Variants in TUBA3C observed in about 807,000 individuals in gnomAD.
The protein encoded by TUBA3C is tubulin alpha-3C chain.
Under a neutral mutation model 33.4 loss-of-function variants are expected in TUBA3C, and 23 were observed. The ratio of observed to expected loss-of-function variants is 0.69; its 90% CI spans 0.50 to 0.98. The LOEUF (loss-of-function observed/expected upper bound fraction) is 0.98. TUBA3C is among the 50% of genes least tolerant of loss of function. The probability of loss-of-function intolerance (pLI) is 0.00; values close to 1 mark genes in which losing one functional copy is unlikely to be tolerated. For missense variants in TUBA3C, 402 were observed against 616.0 expected, an observed-to-expected ratio of 0.65 and a Z score of 3.68; for synonymous variants, 269 against 250.4, an observed-to-expected ratio of 1.07 and a Z score of -0.70.
chr13:19,175,592 C>T (rs1227699086), intron 4 of TUBA3C, among the ~76,000 whole-genome samples: 1 of 152,172 alleles, frequency 6.6e-6, no homozygotes, highest in African/African-American at 2.4e-5. Context: ...GTTAGCACAG[C>T]TGCTGGACTA....
At position 19,178,227 on chromosome 13, in the gene TUBA3C, T is replaced by G; in HGVS notation, c.375+19A>C. On this transcript the variant is annotated intron_variant, in intron 3 of 4. Transcript: ENST00000400113. Reference sequence around the variant, plus strand: ...CCTCCTGTGCAGGACAATGGTCACATGAAGCCTTCTCTTCTTACCAGTTTG... The same window carrying G: ...CCTCCTGTGCAGGACAATGGTCACAGGAAGCCTTCTCTTCTTACCAGTTTG... The G allele has an allele frequency of 6.2e-7, 1 of 1,613,932 alleles. No homozygotes were observed. The highest frequency in any genetic ancestry group is 8.5e-7 in the Non-Finnish European group (1 of 1,179,852).
At chr13:19,176,725 CAAAAA>C (rs55746544) in intron 4 of TUBA3C, among the ~76,000 whole-genome samples, 197 bp downstream of exon 4, 52 of 34,594 alleles carry the variant, frequency 1.5e-3, no homozygotes, top group African/African-American at 3.4e-3. Flanking sequence ...GACTCTGCCT[CAAAAA>C]AAAAAAAAAA....
intron 4 of TUBA3C, among the ~76,000 whole-genome samples, 154 bp from the exon 5 acceptor site, chr13:19,174,313 G>A (rs1254597229): frequency 6.6e-6 from 1 of 152,038 alleles, no homozygotes; most frequent in African/African-American, 2.4e-5. Context: ...TGCCAGGCAG[G>A]GTGACAGTTC....
Position 19,173,879 on chromosome 13 carries a change from T to A in TUBA3C, c.1337A>T (p.Glu446Val), listed in dbSNP as rs762287145. ...GVDSVEAEAE[E>V]GEEY is the part of the protein sequence containing the mutation. Reference sequence around the variant, plus strand: ...ACCCTCCCCTCAGTATTCTTCACCTTCTTCAGCCTCGGCTTCCACGGAATC... The same window carrying A: ...ACCCTCCCCTCAGTATTCTTCACCTACTTCAGCCTCGGCTTCCACGGAATC... Residue 446 changes from glutamate to valine, a missense_variant, in exon 5 of 5, where the codon GAA becomes GTA. Transcript: ENST00000400113. 6 of 1,613,584 alleles carry A rather than the reference T, an allele frequency of 3.7e-6. No homozygotes were observed. In the South Asian group the frequency reaches 6.6e-5, roughly 18 times the overall value.
At position 19,177,848 on chromosome 13, in the gene TUBA3C, T is replaced by G. The variant is rs1280033804; in HGVS notation, c.376-241A>C. On this transcript the variant is annotated intron_variant, in intron 3 of 4. Transcript: ENST00000400113. The surrounding 1 kb of genome is among the most constrained non-coding windows in gnomAD (Gnocchi z 5.0). ...GACTCAAGATACTGTTCTAAGTTGT[T>G]TTTTTTTTTTTTTTTTTAGATAGAA... is the stretch of plus-strand genomic sequence containing the variant. Among the ~76,000 whole-genome samples the G allele has an allele frequency of 5.3e-5, 2 of 38,066 alleles. No homozygotes were observed. Among genetic ancestry groups the G allele is most frequent in the East Asian group, 1.3e-3 (2 of 1,536 alleles). 25.0% of individuals were successfully genotyped at this position (38,066 alleles called of 152,430 possible).
rs376212431 is a variant in TUBA3C, at chr13:19,181,666, C to G, written c.3+79G>C. On this transcript the variant is annotated intron_variant, in intron 1 of 4. Transcript: ENST00000400113. ...CACCCTGGCCCGCAACAGCATCCCT[C>G]CATCCAGCCACCTCAGGAGGCCAAC... 1.1e-3 allele frequency: 1,808 copies of G among 1,592,712 alleles called. 5 individuals are homozygous for G. The highest frequency in any genetic ancestry group is 1.3e-3 in the Non-Finnish European group (1,521 of 1,173,912).
Position 19,178,357 on chromosome 13 carries a change from G to A in TUBA3C, c.264C>T (p.His88=), listed in dbSNP as rs553590585. The A allele has an allele frequency of 7.4e-6, 12 of 1,614,138 alleles. No individual in the cohort carries two copies. In the South Asian group the frequency reaches 7.7e-5, roughly 10 times the overall value. ...VRTGTYRQLF[H]PEQLITGKED... ...CCTTCCCGGTGATCAGCTGCTCTGG[G>A]TGGAAGAGCTGCCTATAGGTTCCTG... Residue 88 remains histidine, a synonymous_variant, in exon 3 of 5, where the codon CAC becomes CAT. Coordinates refer to ENST00000400113, the MANE Select transcript of TUBA3C (RefSeq NM_006001.3).
intron 4 of TUBA3C, among the ~76,000 whole-genome samples, chr13:19,174,982 C>T (rs1869129870): frequency 6.6e-6 from 1 of 152,202 alleles, no homozygotes; most frequent in South Asian, 2.1e-4. Flanking sequence ...GGCACGGTGA[C>T]CCACACCTGT....
rs775386249 is a variant in TUBA3C, at chr13:19,177,131, C to T, written c.852G>A (p.Glu284=). The T allele has an allele frequency of 3.7e-6, 6 of 1,614,018 alleles. No individual in the cohort carries two copies. The African/African-American group carries it at 5.3e-5, about 14-fold the overall frequency. The change falls in exon 4 of 5, where the codon GAG becomes GAA. Residue 284 remains glutamate, a synonymous_variant. Coordinates refer to ENST00000400113, the MANE Select transcript of TUBA3C (RefSeq NM_006001.3). The surrounding 1 kb of genome is among the most constrained non-coding windows in gnomAD (Gnocchi z 5.0). Reference sequence around the variant, plus strand: ...TGGTGATCTCAGCCACGGACAGCTGCTCGTGGTAGGCCTTCTCGGCTGAGA... The same window carrying T: ...TGGTGATCTCAGCCACGGACAGCTGTTCGTGGTAGGCCTTCTCGGCTGAGA... ...PVISAEKAYH[E]QLSVAEITNA...
At chr13:19,181,361 C>T (rs1281018211) in intron 1 of TUBA3C, among the ~76,000 whole-genome samples, 1 of 152,184 alleles carries the variant, frequency 6.6e-6, no homozygotes, top group African/African-American at 2.4e-5. Flanking sequence ...TTGCCTCCAT[C>T]AACAAGGCTC....
Position 19,177,443 on chromosome 13 carries a change from G to A in TUBA3C, c.540C>T (p.Ala180=), listed in dbSNP as rs767587440. The A allele has an allele frequency of 8.1e-6, 13 of 1,614,012 alleles. No individual in the cohort carries two copies. The highest frequency in any genetic ancestry group is 4.4e-5 in the South Asian group (4 of 91,070). Residue 180 remains alanine (A), a synonymous_variant, in exon 4 of 5, where the codon GCC becomes GCT. Coordinates refer to ENST00000400113, the MANE Select transcript of TUBA3C (RefSeq NM_006001.3). This position sits in a 1 kb window ranked among gnomAD's most constrained non-coding sequence, Gnocchi z 5.0. ...GGATGGAGTTGTAGGGCTCCACCACGGCCGTGGAGACCTGGGGGGCTGGGT... is the reference window on the plus strand; with the variant it reads ...GGATGGAGTTGTAGGGCTCCACCACAGCCGTGGAGACCTGGGGGGCTGGGT... ...AIYPAPQVST[A]VVEPYNSILT...
intron 1 of TUBA3C, among the ~76,000 whole-genome samples, chr13:19,181,034 C>T (rs1202537793): frequency 4.1e-5 from 6 of 147,914 alleles, no homozygotes; most frequent in Non-Finnish European, 6.0e-5. Context: ...GAAATCTATT[C>T]TTTATGTGAA....
At chr13:19,178,520 T>G (rs36215410) in intron 2 of TUBA3C, 126 bp from the exon 3 acceptor site, 63,500 of 1,322,234 alleles carry the variant, frequency 0.048, 1,926 homozygotes, top group African/African-American at 0.12. Flanking sequence ...ATGTTGTAGG[T>G]CAACAGTGGC....
At position 19,179,435 on chromosome 13, in the gene TUBA3C, A is replaced by T; in HGVS notation, c.132T>A (p.Gly44=). Residue 44 remains glycine, a synonymous_variant, in exon 2 of 5, where the codon GGT becomes GGA. Coordinates refer to ENST00000400113, the MANE Select transcript of TUBA3C (RefSeq NM_006001.3). ...GQMPSDKTIG[G]GDDSFNTFFS... is the part of the protein sequence containing the mutation. ...AGAACGTGTTGAAGGAGTCGTCCCC[A>T]CCACCAATGGTTTTATCACTTGGCA... 6.2e-7 allele frequency: 1 copy of T among 1,613,964 alleles called. No individual in the cohort carries two copies. Among genetic ancestry groups the T allele is most frequent in the South Asian group, 1.1e-5 (1 of 91,056 alleles).
At chr13:19,180,830 C>T (rs1869388459) in intron 1 of TUBA3C, among the ~76,000 whole-genome samples, 1 of 151,738 alleles carries the variant, frequency 6.6e-6, no homozygotes, top group Non-Finnish European at 1.5e-5. Context: ...TGGCAGCACA[C>T]ACCTGTAGTC....
chr13:19,174,262 A>T, intron 4 of TUBA3C, 103 bp from the exon 5 acceptor site: 1 of 1,437,050 alleles, frequency 7.0e-7, no homozygotes, highest in Non-Finnish European at 9.3e-7. Flanking sequence ...GAACAGGAGA[A>T]TTCTCAGTTC....
intron 1 of TUBA3C, among the ~76,000 whole-genome samples, chr13:19,180,640 T>C (rs560666533): frequency 1.3e-5 from 2 of 152,178 alleles, no homozygotes; most frequent in East Asian, 1.9e-4. Flanking sequence ...TAGCTGGGAC[T>C]ACAGGCCACT....
In TUBA3C at chr13:19,177,267, G is replaced by A. The variant is rs376723832; in HGVS notation, c.716C>T (p.Thr239Met). 2.7e-5 allele frequency: 44 copies of A among 1,614,042 alleles called. No homozygotes were observed. Among genetic ancestry groups the A allele is most frequent in the Admixed American group, 5.0e-5 (3 of 60,000 alleles). The part of the protein sequence containing the change: ...RLIGQIVSSI[T>M]ASLRFDGALN... Reference sequence around the variant, plus strand: ...GGCCCCGTCAAATCGCAGGGAGGCCGTGATGGAGGACACGATCTGCCCAAT... The same window carrying A: ...GGCCCCGTCAAATCGCAGGGAGGCCATGATGGAGGACACGATCTGCCCAAT... Residue 239 changes from threonine to methionine, a missense_variant, in exon 4 of 5, where the codon ACG becomes ATG. Physicochemically the swap from Thr to Met is moderately conservative, Grantham distance 81. Transcript: ENST00000400113. The surrounding 1 kb of genome is among the most constrained non-coding windows in gnomAD (Gnocchi z 5.0).
At chr13:19,179,975 C>G (rs896300526) in intron 1 of TUBA3C, among the ~76,000 whole-genome samples, 3 of 152,148 alleles carry the variant, frequency 2.0e-5, no homozygotes, top group African/African-American at 7.2e-5. Context: ...TCCCAGGTCA[C>G]TGTGGTCCAA....
Sources: allele counts gnomAD v4.1 joint callset (sites outside exome capture counted in the v4.1 genomes callset), GRCh38; gene constraint gnomAD v4.1.1; non-coding constraint Gnocchi (gnomAD v3.1); transcripts MANE v1.5; gene names NCBI Gene and HGNC (gene_info 2026-07-23, HGNC 2026-07-21).